Variants in OGG1 observed in about 807,000 individuals in gnomAD.
OGG1 encodes the protein N-glycosylase/DNA lyase.
OGG1 carries 35 observed loss-of-function variants against 42.3 expected under a neutral mutation model. The observed-to-expected ratio is 0.83, with a 90% CI of 0.63 to 1.10. The LOEUF is 1.10. Among genes scored for constraint, OGG1 ranks in the 50% least tolerant of loss-of-function variants. The pLI is 0.00. For synonymous variants in OGG1, 189 were observed against 179.0 expected (o/e 1.06, Z -0.44); for missense variants, 484 against 446.7 (o/e 1.08, Z -0.75).
downstream of OGG1, chr3:9,767,843 G>A (rs1575266295): frequency 1.9e-6 from 3 of 1,551,842 alleles, no homozygotes; most frequent in Admixed American, 1.8e-5. Flanking sequence ...GGAATTTACT[G>A]CAGGCCCCAT....
chr3:9,768,841 C>A (rs1477411588), downstream of OGG1, among the ~76,000 whole-genome samples: 1 of 152,152 alleles, frequency 6.6e-6, no homozygotes, highest in East Asian at 1.9e-4. Flanking sequence ...GGAACAGGAC[C>A]TTTTTCCCAG....
At chr3:9,757,644 G>T, downstream of OGG1, 1 of 1,614,114 alleles carries the variant, frequency 6.2e-7, no homozygotes, top group Non-Finnish European at 8.5e-7. The surrounding 1 kb of genome is among the most constrained non-coding windows in gnomAD (Gnocchi z 4.5). Context: ...ACAGAACAGA[G>T]GTGGCCGCAG....
rs1369583929 is a variant in OGG1, at chr3:9,751,098, C to G, written c.291C>G (p.Arg97=). ...RPTPDELEAV[R]KYFQLDVTLA... ...CACCAGACGAGCTGGAGGCCGTGCG[C>G]AAGTACTTCCAGCTAGATGTTACCC... Residue 97 remains arginine (R), a synonymous_variant, in exon 2 of 7, where the codon CGC becomes CGG. Transcript: ENST00000344629. 12 of 1,614,008 alleles carry G rather than the reference C, an allele frequency of 7.4e-6. No individual in the cohort carries two copies. The highest frequency in any genetic ancestry group is 1.0e-5 in the Non-Finnish European group (12 of 1,180,016).
downstream of OGG1, among the ~76,000 whole-genome samples, chr3:9,788,436 G>A (rs58380045): frequency 5.3e-5 from 8 of 151,744 alleles, no homozygotes; most frequent in African/African-American, 7.2e-5. Context: ...TAGTAGAGAC[G>A]GGGTTTCACC....
downstream of OGG1, chr3:9,789,681 G>A (rs201111978): frequency 3.7e-6 from 6 of 1,609,250 alleles, no homozygotes; most frequent in South Asian, 6.6e-5. Context: ...CCAGAACCTT[G>A]AGGCCCCCTT....
intron 3 of OGG1, among the ~76,000 whole-genome samples, chr3:9,784,631 G>A (rs542842377): frequency 7.2e-4 from 110 of 152,074 alleles, no homozygotes; most frequent in African/African-American, 2.4e-3. Context: ...TTGGAAGGCC[G>A]AGGTGGGAGG....
chr3:9,789,416 G>A, downstream of OGG1: 1 of 1,185,076 alleles, frequency 8.4e-7, no homozygotes, highest in Non-Finnish European at 1.2e-6. Context: ...GGTTGGGGAA[G>A]GAAGATGATG....
chr3:9,780,153 G>A (rs1575289086), intron 2 of OGG1: 2 of 496,532 alleles, frequency 4.0e-6, no homozygotes, highest in East Asian at 6.4e-5. Flanking sequence ...CAGAGACTAG[G>A]CCTCAGGCTA....
chr3:9,766,414 G>A (rs2078154475), exon 8 of OGG1: 1 of 495,604 alleles, frequency 2.0e-6, no homozygotes. Flanking sequence ...GAACCTTAAA[G>A]AACCATCAGC....
At chr3:9,760,594 C>CA, downstream of OGG1, 1 of 1,572,028 alleles carries the variant, frequency 6.4e-7, no homozygotes, top group Non-Finnish European at 8.7e-7. Context: ...AGACCGCCCC[C>CA]AAAGCAGGTG....
chr3:9,755,348 G>A (rs928321486), intron 4 of OGG1, among the ~76,000 whole-genome samples: 24 of 152,112 alleles, frequency 1.6e-4, no homozygotes, highest in Non-Finnish European at 3.2e-4. Flanking sequence ...ACAGGGATGA[G>A]CCACTGCTCC....
At chr3:9,779,666 C>G (rs1295668314) in intron 2 of OGG1, among the ~76,000 whole-genome samples, 1 of 152,100 alleles carries the variant, frequency 6.6e-6, no homozygotes, top group South Asian at 2.1e-4. Flanking sequence ...AAAAAGAAAC[C>G]TGGACCCTTG....
intron 7 of OGG1, chr3:9,762,409 C>T (rs1475898075): frequency 1.3e-5 from 2 of 155,126 alleles, no homozygotes; most frequent in Non-Finnish European, 2.9e-5. Flanking sequence ...TCCAGGCTCG[C>T]TCTGTCGCCC....
At chr3:9,772,423 C>T (rs544408763) in intron 2 of OGG1, among the ~76,000 whole-genome samples, 3 of 152,282 alleles carry the variant, frequency 2.0e-5, no homozygotes, top group South Asian at 4.1e-4. Flanking sequence ...AGATTAGGGG[C>T]TTGGAGACTG....
intron 7 of OGG1, among the ~76,000 whole-genome samples, chr3:9,764,571 C>T (rs956499969): frequency 6.7e-6 from 1 of 149,284 alleles, no homozygotes; most frequent in African/African-American, 2.5e-5. Context: ...TTCAGCCTCT[C>T]AAAGTGCTGG....
At chr3:9,753,608 C>T (rs1395844799) in intron 3 of OGG1, among the ~76,000 whole-genome samples, 1 of 151,730 alleles carries the variant, frequency 6.6e-6, no homozygotes, top group African/African-American at 2.4e-5. Flanking sequence ...GAGCCGAGAT[C>T]GTGCCACTGC....
Position 9,751,171 on chromosome 3 carries a change from G to C in OGG1, c.364G>C (p.Glu122Gln). The part of the protein sequence containing the change: ...HWGSVDSHFQ[E>Q]VAQKFQGVRL... ...GGGTTCCGTGGACTCCCACTTCCAA[G>C]AGGTGGCTCAGAAATTCCAAGGTGA... Residue 122 changes from glutamate (E) to glutamine (Q), a missense_variant, in exon 2 of 7, where the codon GAG becomes CAG. Coordinates refer to ENST00000344629, the MANE Select transcript of OGG1 (RefSeq NM_002542.6). 1 of 1,614,126 alleles carries C rather than the reference G, an allele frequency of 6.2e-7. No homozygotes were observed. Among genetic ancestry groups the C allele is most frequent in the Non-Finnish European group, 8.5e-7 (1 of 1,180,020 alleles).
intron 2 of OGG1, among the ~76,000 whole-genome samples, 197 bp from the exon 3 acceptor site, chr3:9,751,573 T>G (rs536449491): frequency 6.6e-6 from 1 of 152,224 alleles, no homozygotes; most frequent in African/African-American, 2.4e-5. Context: ...TCTTTATCTG[T>G]GGAATGGGAT....
intron 3 of OGG1, among the ~76,000 whole-genome samples, chr3:9,786,509 CCT>C (rs1419664767): frequency 9.2e-5 from 14 of 152,030 alleles, no homozygotes; most frequent in Non-Finnish European, 1.3e-4. Context: ...AGACAGGGCC[CCT>C]GAAGCTAGGG....
Sources: gnomAD v4.1 joint callset for allele counts (sites outside exome capture counted in the v4.1 genomes callset) on GRCh38, gnomAD v4.1.1 for gene constraint, Gnocchi (gnomAD v3.1) non-coding constraint, MANE v1.5 for transcripts, NCBI Gene and HGNC (gene_info 2026-07-23, HGNC 2026-07-21) for gene names.